The following EFCAB3 variants were observed in gnomAD, a reference collection of about 807,000 sequenced individuals.
EFCAB3 encodes EF-hand calcium-binding domain-containing protein 3.
Under a neutral mutation model 42.2 loss-of-function variants are expected in EFCAB3, and 36 were observed. The observed-to-expected ratio is 0.85, with a 90% CI of 0.65 to 1.13. The LOEUF is 1.13. Ranked by LOEUF, EFCAB3 falls within the 50% of genes most tolerant of loss-of-function variation. The probability of loss-of-function intolerance (pLI) is 0.00; values close to 1 mark genes in which losing one functional copy is unlikely to be tolerated. For missense variants in EFCAB3, 418 were observed against 505.1 expected, an observed-to-expected ratio of 0.83 and a Z score of 1.65; for synonymous variants, 170 against 172.8, an observed-to-expected ratio of 0.98 and a Z score of 0.13.
chr17:62,370,238 G>A lies in EFCAB3; in HGVS notation c.-51G>A, dbSNP rs2070105084. On this transcript the variant is annotated 5_prime_UTR_variant, in exon 1 of 12. Coordinates refer to the EFCAB3 transcript ENST00000450662. Reference sequence around the variant, plus strand: ...TCTAAGGAGAGGTGATTGATGTCCAGAACTTAGACAATTTCTAGCAAGCGA... The same window carrying A: ...TCTAAGGAGAGGTGATTGATGTCCAAAACTTAGACAATTTCTAGCAAGCGA... The A allele has an allele frequency of 1.9e-6, 3 of 1,542,398 alleles. No homozygotes were observed. The Admixed American group carries it at 5.9e-5, about 30-fold the overall frequency.
chr17:62,407,581 C>T (rs909831380), intron 8 of EFCAB3, among the ~76,000 whole-genome samples: 2 of 152,152 alleles, frequency 1.3e-5, no homozygotes, highest in African/African-American at 2.4e-5. Context: ...GAAGACCAGG[C>T]CCGCAACCCA....
intron 1 of EFCAB3, among the ~76,000 whole-genome samples, chr17:62,370,643 C>T (rs7222361): frequency 1.5e-4 from 23 of 149,122 alleles, no homozygotes; most frequent in African/African-American, 5.2e-4. Flanking sequence ...GCAACAAGAG[C>T]GAAACTCTGT....
intron 6 of EFCAB3, among the ~76,000 whole-genome samples, chr17:62,399,031 C>G (rs543367480): frequency 3.3e-5 from 5 of 152,096 alleles, no homozygotes; most frequent in Non-Finnish European, 7.4e-5. Context: ...CTCCCCTGCT[C>G]TGCCTGCTGA....
chr17:62,388,633 C>T (rs1382729619), intron 3 of EFCAB3, among the ~76,000 whole-genome samples: 1 of 152,162 alleles, frequency 6.6e-6, no homozygotes, highest in Non-Finnish European at 1.5e-5. Context: ...AGGGGCAGTC[C>T]CTCCAGGGCC....
At chr17:62,380,896 CAG>C (rs2070191020) in intron 1 of EFCAB3, 1 of 152,160 alleles carries the variant, frequency 6.6e-6, no homozygotes, top group South Asian at 2.1e-4. Flanking sequence ...ACCAAACATT[CAG>C]AGACTTTTTT....
chr17:62,406,220 A>C (rs1598019651), intron 6 of EFCAB3, among the ~76,000 whole-genome samples: 1 of 152,124 alleles, frequency 6.6e-6, no homozygotes, highest in African/African-American at 2.4e-5. Context: ...AAAAACAAAA[A>C]CAAAAACTCT....
Position 62,387,394 on chromosome 17 carries a change from G to A in EFCAB3, c.129G>A (p.Lys43=). ...LQCQLQHKEK[K]LSASQMAAFQ... ...GCCAATTACAACACAAAGAAAAGAAGCTAAGTGCTTCACAAATGGCAGGTA... is the reference window on the plus strand; with the variant it reads ...GCCAATTACAACACAAAGAAAAGAAACTAAGTGCTTCACAAATGGCAGGTA... The change falls in exon 3 of 10, where the codon AAG becomes AAA. Residue 43 remains lysine, a synonymous_variant. Transcript: ENST00000305286. 6.2e-7 allele frequency: 1 copy of A among 1,611,780 alleles called. No homozygotes were observed. The highest frequency in any genetic ancestry group is 8.5e-7 in the Non-Finnish European group (1 of 1,178,748).
At position 62,391,818 on chromosome 17, in the gene EFCAB3, C is replaced by T. The variant is rs1057030835; in HGVS notation, c.152-4C>T. 1.2e-6 allele frequency: 2 copies of T among 1,612,818 alleles called. No individual in the cohort carries two copies. Among genetic ancestry groups the T allele is most frequent in the Non-Finnish European group, 1.7e-6 (2 of 1,179,392 alleles). ...TCCTGAATAACTTAATCCTATCTCC[C>T]CAGCTTTCCAAGATGCCTACAACTT... On this transcript the variant is annotated splice_polypyrimidine_tract_variant and splice_region_variant and intron_variant, in intron 3 of 9. Coordinates refer to ENST00000305286, the MANE Select transcript of EFCAB3 (RefSeq NM_173503.4).
intron 2 of EFCAB3, among the ~76,000 whole-genome samples, chr17:62,383,795 C>A (rs1598007554): frequency 6.6e-6 from 1 of 152,020 alleles, no homozygotes; most frequent in Non-Finnish European, 1.5e-5. Flanking sequence ...ATAAAGAAGA[C>A]CTAAACCCAT....
chr17:62,396,800 G>A (rs1239875250), intron 6 of EFCAB3, among the ~76,000 whole-genome samples: 1 of 151,724 alleles, frequency 6.6e-6, no homozygotes, highest in Non-Finnish European at 1.5e-5. Context: ...GCTCATTTGA[G>A]CCGAGGAATT....
At chr17:62,402,826 C>T (rs2070415466) in intron 6 of EFCAB3, among the ~76,000 whole-genome samples, 1 of 152,136 alleles carries the variant, frequency 6.6e-6, no homozygotes, top group Non-Finnish European at 1.5e-5. Context: ...GGGAGGATTC[C>T]CTCTTTTTCT....
chr17:62,385,630 C>A (rs193148182), intron 2 of EFCAB3, among the ~76,000 whole-genome samples: 4 of 151,720 alleles, frequency 2.6e-5, no homozygotes, highest in African/African-American at 9.7e-5. Flanking sequence ...TGAGTTGAAT[C>A]TAATAAGTAC....
At chr17:62,377,879 GA>G (rs902784430), upstream of EFCAB3, 9 of 1,054,842 alleles carry the variant, frequency 8.5e-6, no homozygotes, top group East Asian at 5.3e-5. Flanking sequence ...CTCATCTGGG[GA>G]AAAAAATAAG....
intron 2 of EFCAB3, 50 bp from the exon 3 acceptor site, chr17:62,387,290 G>C (rs368752267): frequency 6.3e-6 from 9 of 1,426,798 alleles, no homozygotes; most frequent in African/African-American, 1.4e-5. Flanking sequence ...ACTAATATCT[G>C]CTGGTTTCAC....
Position 62,383,012 on chromosome 17 carries a change from G to A in EFCAB3, c.33G>A (p.Lys11=). 6.2e-7 allele frequency: 1 copy of A among 1,613,618 alleles called. No homozygotes were observed. The highest frequency in any genetic ancestry group is 8.5e-7 in the Non-Finnish European group (1 of 1,179,850). The change falls in exon 2 of 10, where the codon AAG becomes AAA. Residue 11 remains lysine, a synonymous_variant. Coordinates refer to ENST00000305286, the MANE Select transcript of EFCAB3 (RefSeq NM_173503.4). The stretch of plus-strand genomic sequence containing the variant: ...TTTCAGAAATTAAACCAAAACTTAA[G>A]CTGAATCCTCTAACAAAAGTACCCA... MAVSEIKPKL[K]LNPLTKVPIS...
chr17:62,404,825 G>A (rs559748812), intron 6 of EFCAB3, among the ~76,000 whole-genome samples: 2 of 151,922 alleles, frequency 1.3e-5, no homozygotes, highest in South Asian at 4.2e-4. Context: ...TAATAATAAA[G>A]ACAGCAAATA....
upstream of EFCAB3, chr17:62,377,829 G>T: frequency 1.5e-6 from 1 of 658,680 alleles, no homozygotes; most frequent in Non-Finnish European, 2.5e-6. Context: ...TATGAAAGAT[G>T]GATATCCCAT....
intron 7 of EFCAB3, 66 bp from the exon 8 acceptor site, chr17:62,406,962 G>T: frequency 4.0e-6 from 6 of 1,499,542 alleles, no homozygotes; most frequent in Non-Finnish European, 5.4e-6. Context: ...GGCACCACAT[G>T]CTGGTCTTTT....
intron 8 of EFCAB3, among the ~76,000 whole-genome samples, chr17:62,408,485 A>G (rs554511334): frequency 6.6e-6 from 1 of 152,280 alleles, no homozygotes; most frequent in Admixed American, 6.5e-5. Flanking sequence ...AATTTTTATA[A>G]CTTGTTACAA....
Sources: gnomAD v4.1 joint callset for allele counts (sites outside exome capture counted in the v4.1 genomes callset) on GRCh38, gnomAD v4.1.1 for gene constraint, MANE v1.5 for transcripts, NCBI Gene and HGNC (gene_info 2026-07-23, HGNC 2026-07-21) for gene names.